Variants in PLLP observed in about 807,000 individuals in gnomAD.
The protein encoded by PLLP is plasmolipin, also known as plasma membrane proteolipid (plasmolipin).
In PLLP, 15 loss-of-function variants were observed where a neutral mutation model predicts 19.7. That is an observed-to-expected ratio of 0.76 (90% CI 0.51 to 1.17). The LOEUF is 1.17. Among genes scored for constraint, PLLP ranks in the 50% most tolerant of loss-of-function variants. PLLP has a pLI of 0.00. For missense variants in PLLP, 255 were observed against 258.3 expected (o/e 0.99, Z 0.09); for synonymous variants, 111 against 116.3 (o/e 0.95, Z 0.29).
At chr16:57,270,165 C>T (rs537155597) in intron 1 of PLLP, among the ~76,000 whole-genome samples, 41 of 151,932 alleles carry the variant, frequency 2.7e-4, no homozygotes, top group African/African-American at 8.2e-4. Flanking sequence ...CCATGGCCCC[C>T]GAGTCCAAAC....
chr16:57,266,863 C>CTTTTTTTTTTTTTT (rs34562097), intron 1 of PLLP, among the ~76,000 whole-genome samples: 1 of 97,338 alleles, frequency 1.0e-5, no homozygotes, highest in Non-Finnish European at 2.1e-5. Flanking sequence ...GGCACAGGGC[C>CTTTTTTTTTTTTTT]TTTTTTTTTT....
At chr16:57,263,960 G>A (rs1262762703) in intron 1 of PLLP, among the ~76,000 whole-genome samples, 1 of 152,158 alleles carries the variant, frequency 6.6e-6, no homozygotes. Context: ...TGGGATCAGA[G>A]AAGCGGCTCC....
At chr16:57,265,016 T>C (rs746661387) in intron 1 of PLLP, among the ~76,000 whole-genome samples, 1 of 152,152 alleles carries the variant, frequency 6.6e-6, no homozygotes, top group Non-Finnish European at 1.5e-5. Flanking sequence ...GGTGTCCCGC[T>C]CTCCAGGGCT....
chr16:57,275,742 A>T (rs1901145962), intron 1 of PLLP, among the ~76,000 whole-genome samples: 1 of 151,722 alleles, frequency 6.6e-6, no homozygotes, highest in Non-Finnish European at 1.5e-5. Flanking sequence ...AACTCCTAGC[A>T]GTTATTAAGG....
intron 1 of PLLP, among the ~76,000 whole-genome samples, chr16:57,282,243 T>TGG (rs1901229638): frequency 6.8e-6 from 1 of 146,034 alleles, no homozygotes; most frequent in African/African-American, 2.5e-5. Flanking sequence ...TTTTTTTTTG[T>TGG]GTGTGTGTTT....
At chr16:57,267,955 T>C (rs1597961694) in intron 1 of PLLP, among the ~76,000 whole-genome samples, 1 of 150,970 alleles carries the variant, frequency 6.6e-6, no homozygotes, top group African/African-American at 2.4e-5. Context: ...AGGGGGGTTA[T>C]ACTGGATTGG....
intron 1 of PLLP, among the ~76,000 whole-genome samples, chr16:57,273,989 T>C (rs1004983344): frequency 6.6e-6 from 1 of 152,148 alleles, no homozygotes; most frequent in African/African-American, 2.4e-5. Context: ...GAACGTGTAC[T>C]ATTTTTTATT....
rs187265559 is a variant in PLLP, at chr16:57,260,436, C to T, written c.309+1461G>A. 1.2e-4 allele frequency among the ~76,000 whole-genome samples: 19 copies of T among 152,272 alleles called. No homozygotes were observed. The East Asian group carries it at 2.9e-3, about 23-fold the overall frequency. ...ACCCTGAGCCCGGAAGTCAAGGCACCGCCTCCTCGCCCCAAAATCTTCCCT... is the reference window on the plus strand; with the variant it reads ...ACCCTGAGCCCGGAAGTCAAGGCACTGCCTCCTCGCCCCAAAATCTTCCCT... On this transcript the variant is annotated intron_variant, in intron 2 of 3. Transcript: ENST00000219207.
At chr16:57,265,170 C>T (rs901869667) in intron 1 of PLLP, among the ~76,000 whole-genome samples, 8 of 152,236 alleles carry the variant, frequency 5.3e-5, no homozygotes, top group Admixed American at 3.3e-4. Context: ...GAAGCCAGGG[C>T]GGAGCCACAG....
rs1441123526 is a variant in PLLP, at chr16:57,256,110, CTTTATT to C, written c.*797_*802del. The stretch of plus-strand genomic sequence containing the variant: ...ATCTTGTCCAAATAATTTCTCTCAT[CTTTATT>C]TTTATTAAAAAAAATAAAACAGTCA... On this transcript the variant is annotated 3_prime_UTR_variant, in exon 4 of 4. Coordinates refer to ENST00000219207, the MANE Select transcript of PLLP (RefSeq NM_015993.3). 3 of 398,384 alleles carry C rather than the reference CTTTATT, an allele frequency of 7.5e-6. No homozygotes were observed. The highest frequency in any genetic ancestry group is 4.1e-5 in the African/African-American group (2 of 48,618). 24.7% of individuals were successfully genotyped at this position (398,384 alleles called of 1,614,324 possible).
intron 2 of PLLP, among the ~76,000 whole-genome samples, chr16:57,261,450 C>T (rs2075441544): frequency 6.6e-6 from 1 of 152,158 alleles, no homozygotes; most frequent in South Asian, 2.1e-4. Flanking sequence ...GGCATGGTGG[C>T]TCACTCCTGT....
In PLLP at chr16:57,256,898, C is replaced by T. The variant is rs200245041; in HGVS notation, c.*15G>A. On this transcript the variant is annotated 3_prime_UTR_variant, in exon 4 of 4. Transcript: ENST00000219207. ...CGGCGGCTTCAGCCCCAGAGGGGGC[C>T]GTGGCACAGGTGGTTTAGGCATAGC... is the stretch of plus-strand genomic sequence containing the variant. The T allele has an allele frequency of 5.7e-5, 90 of 1,569,222 alleles. No individual in the cohort carries two copies. Among genetic ancestry groups the T allele is most frequent in the African/African-American group, 4.9e-4 (36 of 74,162 alleles).
intron 1 of PLLP, among the ~76,000 whole-genome samples, chr16:57,275,106 C>T (rs1456916107): frequency 8.7e-6 from 1 of 115,432 alleles, no homozygotes; most frequent in East Asian, 2.6e-4. Context: ...CACACACACA[C>T]ACACACACAC....
At chr16:57,259,778 A>C (rs1403768088) in intron 2 of PLLP, among the ~76,000 whole-genome samples, 1 of 152,082 alleles carries the variant, frequency 6.6e-6, no homozygotes, top group African/African-American at 2.4e-5. Flanking sequence ...GAAGTTAGAG[A>C]CCAGCCTGGC....
At position 57,256,944 on chromosome 16, in the gene PLLP, G is replaced by A; in HGVS notation, c.518C>T (p.Ala173Val). ...ATAGCCGCCAGCCATCTGACTGGTGGCCGCATTGCTGCCTACTCCTCGCCA... is the reference window on the plus strand; with the variant it reads ...ATAGCCGCCAGCCATCTGACTGGTGACCGCATTGCTGCCTACTCCTCGCCA... ...QAWRGVGSNA[A>V]TSQMAGGYA The change falls in exon 4 of 4, where the codon GCC (alanine) becomes GTC (valine). Residue 173 changes from alanine (A) to valine (V), a missense_variant. By Grantham distance (64) the Ala-to-Val change is moderately conservative. Transcript: ENST00000219207. 1.2e-6 allele frequency: 2 copies of A among 1,613,550 alleles called. No individual in the cohort carries two copies. The highest frequency in any genetic ancestry group is 1.6e-4 in the Middle Eastern group (1 of 6,062).
intron 1 of PLLP, among the ~76,000 whole-genome samples, chr16:57,272,577 C>T (rs1330049921): frequency 2.6e-5 from 4 of 152,072 alleles, no homozygotes; most frequent in East Asian, 1.9e-4. Flanking sequence ...CCTGGACTTC[C>T]GGCAACACTG....
rs1823570378 is a variant in PLLP at position 57,262,065 on chromosome 16, C to T, written c.141G>A (p.Leu47=). The T allele has an allele frequency of 6.2e-7, 1 of 1,614,198 alleles. No homozygotes were observed. Among genetic ancestry groups the T allele is most frequent in the Non-Finnish European group, 8.5e-7 (1 of 1,180,018 alleles). ...CAATCAGCGCCCACACCAGCAGCCCCAGCACCTAGGAGGGTCAGACAAGGC... is the reference window on the plus strand; with the variant it reads ...CAATCAGCGCCCACACCAGCAGCCCTAGCACCTAGGAGGGTCAGACAAGGC... ...LGALMLLQLV[L]GLLVWALIAD... is the part of the protein sequence containing the mutation. Residue 47 remains leucine, a synonymous_variant, in exon 2 of 4, where the codon CTG becomes CTA. Coordinates refer to ENST00000219207, the MANE Select transcript of PLLP (RefSeq NM_015993.3).
intron 1 of PLLP, among the ~76,000 whole-genome samples, chr16:57,279,698 G>A (rs927849182): frequency 3.3e-5 from 5 of 151,706 alleles, no homozygotes; most frequent in Admixed American, 6.6e-5. Context: ...AAAAAGTAGG[G>A]GTCTTACTCT....
intron 1 of PLLP, among the ~76,000 whole-genome samples, chr16:57,278,603 T>C (rs79100164): frequency 0.031 from 4,705 of 152,046 alleles, 248 homozygotes; most frequent in African/African-American, 0.11. Context: ...TTGCAGTAAG[T>C]GGGGAGTGTG....
Sources: gnomAD v4.1 joint callset for allele counts (sites outside exome capture counted in the v4.1 genomes callset) on GRCh38, gnomAD v4.1.1 for gene constraint, MANE v1.5 for transcripts, NCBI Gene and HGNC (gene_info 2026-07-23, HGNC 2026-07-21) for gene names.